Variants in EXTL3 observed in about 807,000 individuals in gnomAD.
The protein encoded by EXTL3 is exostosin-like 3.
In EXTL3, 27 loss-of-function variants were observed where a neutral mutation model predicts 69.3. The ratio of observed to expected loss-of-function variants is 0.39; its 90% confidence interval spans 0.29 to 0.54. EXTL3 has a LOEUF of 0.54. Among genes scored for constraint, EXTL3 ranks in the 20% least tolerant of loss-of-function variants. The pLI, the probability that EXTL3 is intolerant of heterozygous loss-of-function variation, is 0.69. For synonymous variants in EXTL3, 511 were observed against 499.4 expected (o/e 1.02, Z -0.31); for missense variants, 1,003 against 1,231.8 (o/e 0.81, Z 2.78).
chr8:28,743,366 C>A, intron 6 of EXTL3, 152 bp downstream of exon 6: 2 of 965,642 alleles, frequency 2.1e-6, no homozygotes, highest in Non-Finnish European at 3.3e-6. Context: ...TGTCTGTGAG[C>A]TTAAATGAGT....
At position 28,702,033 on chromosome 8, in the gene EXTL3, C is replaced by T. The variant is rs1012093734; in HGVS notation, c.-570+374C>T. Among the ~76,000 whole-genome samples the T allele has an allele frequency of 5.5e-4, 84 of 152,146 alleles. 1 individual carries two copies. Among genetic ancestry groups the T allele is most frequent in the African/African-American group, 1.7e-3 (72 of 41,448 alleles). On this transcript the variant is annotated intron_variant, in intron 1 of 6. Transcript: ENST00000220562. ...GGCTGCAGCTGTTGGGCTTCCTCTGCTCCCTGAAGCCCTCCACCCTCTGTG... is the reference window on the plus strand; with the variant it reads ...GGCTGCAGCTGTTGGGCTTCCTCTGTTCCCTGAAGCCCTCCACCCTCTGTG...
At chr8:28,740,258 T>A (rs893901536) in intron 5 of EXTL3, 1 of 152,252 alleles carries the variant, frequency 6.6e-6, no homozygotes, top group Non-Finnish European at 1.5e-5. Context: ...TACCTGCCTG[T>A]GGCTCCTCGT....
intron 1 of EXTL3, among the ~76,000 whole-genome samples, chr8:28,640,293 A>G (rs1806722290): frequency 1.3e-5 from 2 of 152,178 alleles, no homozygotes; most frequent in African/African-American, 4.8e-5. Flanking sequence ...TAGAATTTAG[A>G]TTGATTCCAT....
intron 1 of EXTL3, among the ~76,000 whole-genome samples, chr8:28,676,141 G>A (rs1807379105): frequency 6.6e-6 from 1 of 152,076 alleles, no homozygotes. Context: ...GACATGTCTT[G>A]GTTTAATGTG....
At chr8:28,672,016 A>G (rs1354827313) in intron 1 of EXTL3, among the ~76,000 whole-genome samples, 2 of 152,184 alleles carry the variant, frequency 1.3e-5, no homozygotes, top group African/African-American at 4.8e-5. Context: ...CTTTCCCAAC[A>G]TTTAACTTTT....
chr8:28,716,158 C>A lies in EXTL3; in HGVS notation c.99C>A (p.Ser33Arg). The change falls in exon 3 of 7, where the codon AGC (serine) becomes AGA (arginine). Residue 33 changes from serine to arginine, a missense_variant. Physicochemically the swap from Ser to Arg is moderately radical, Grantham distance 110 (BLOSUM62 -1). Transcript: ENST00000220562. The surrounding 1 kb of genome is among the most constrained non-coding windows in gnomAD (Gnocchi z 7.1). Reference sequence around the variant, plus strand: ...ACCGCATCCGCCTCACGTGGCTCAGCTTCACGCTCTTTGTCATCCTGGTCT... The same window carrying A: ...ACCGCATCCGCCTCACGTGGCTCAGATTCACGCTCTTTGTCATCCTGGTCT... Reference protein sequence around the residue: ...WSNRIRLTWLSFTLFVILVFF... With the variant: ...WSNRIRLTWLRFTLFVILVFF... The A allele has an allele frequency of 6.2e-7, 1 of 1,614,158 alleles. No homozygotes were observed.
intron 2 of EXTL3, among the ~76,000 whole-genome samples, chr8:28,609,999 T>G (rs1806250943): frequency 1.3e-5 from 2 of 150,600 alleles, no homozygotes; most frequent in Admixed American, 6.6e-5. Flanking sequence ...CGGTCAGGAG[T>G]TCGAGACCAG....
At chr8:28,677,177 G>A (rs573958505) in intron 1 of EXTL3, among the ~76,000 whole-genome samples, 1 of 152,264 alleles carries the variant, frequency 6.6e-6, no homozygotes, top group South Asian at 2.1e-4. Flanking sequence ...AGAGGAAAAA[G>A]AAAATGAAAG....
chr8:28,744,705 A>G (rs1801848757), intron 6 of EXTL3, among the ~76,000 whole-genome samples: 1 of 151,858 alleles, frequency 6.6e-6, no homozygotes, highest in Non-Finnish European at 1.5e-5. Context: ...AAGGCAGGAG[A>G]ATCACTTGAA....
intron 1 of EXTL3, among the ~76,000 whole-genome samples, chr8:28,703,431 C>G (rs998142049): frequency 6.6e-6 from 1 of 151,944 alleles, no homozygotes; most frequent in Non-Finnish European, 1.5e-5. Context: ...CGGGCCAGGC[C>G]GAGCATGGGA....
chr8:28,665,759 A>G (rs559154790), intron 1 of EXTL3, among the ~76,000 whole-genome samples: 58 of 152,050 alleles, frequency 3.8e-4, no homozygotes, highest in African/African-American at 1.3e-3. Flanking sequence ...TTTTTTTCTT[A>G]TGCCCTGTAA....
chr8:28,694,003 G>A (rs929423674), intron 1 of EXTL3, among the ~76,000 whole-genome samples: 5 of 152,186 alleles, frequency 3.3e-5, no homozygotes, highest in African/African-American at 9.7e-5. Context: ...TTTGAAGATT[G>A]CTGGGGGTCA....
chr8:28,608,930 C>G (rs1004719030), intron 2 of EXTL3, among the ~76,000 whole-genome samples: 1 of 152,032 alleles, frequency 6.6e-6, no homozygotes, highest in East Asian at 1.9e-4. Context: ...AGAAAATTAT[C>G]AAACAGCAAT....
Position 28,742,734 on chromosome 8 carries a change from T to TC in EXTL3, c.2422-352_2422-351insC. On this transcript the variant is annotated intron_variant, in intron 5 of 6. Transcript: ENST00000220562. ...CAGGCTTTTTTCTCTCACTTATCTT[T>TC]TTTTTTTTTTTTGGCCATTGTTAGA... The TC allele has an allele frequency of 1.8e-5, 5 of 279,006 alleles. No individual in the cohort carries two copies. In the South Asian group the frequency reaches 1.8e-4, roughly 10 times the overall value. The allele number at this position is 279,006 out of a possible 1,614,324, so 17.3% of individuals were successfully genotyped here. A position where few individuals can be genotyped will look rare whatever the true frequency, so the allele number is the denominator to read the frequency against.
At chr8:28,656,930 T>C (rs1807021374) in intron 1 of EXTL3, among the ~76,000 whole-genome samples, 2 of 149,752 alleles carry the variant, frequency 1.3e-5, no homozygotes, top group Non-Finnish European at 3.0e-5. Context: ...CTCTCTCTCT[T>C]ACTTTTTTTT....
intron 1 of EXTL3, among the ~76,000 whole-genome samples, chr8:28,638,858 T>C: frequency 6.6e-6 from 1 of 152,110 alleles, no homozygotes; most frequent in East Asian, 1.9e-4. Context: ...CTTGAACTCC[T>C]GACGTCAGGT....
chr8:28,723,640 G>GTT (rs34831917), intron 3 of EXTL3, among the ~76,000 whole-genome samples: 23,122 of 120,758 alleles, frequency 0.19, 2,520 homozygotes, highest in East Asian at 0.31. Flanking sequence ...GCTCAGGACT[G>GTT]TTTTTTTTTT....
intron 1 of EXTL3, among the ~76,000 whole-genome samples, chr8:28,644,467 G>T (rs1310121962): frequency 6.6e-6 from 1 of 152,118 alleles, no homozygotes; most frequent in East Asian, 1.9e-4. Flanking sequence ...GGGAGGCCAA[G>T]ACAAGAGGAT....
At chr8:28,611,240 CA>C (rs1806267720) in intron 2 of EXTL3, among the ~76,000 whole-genome samples, 1 of 152,134 alleles carries the variant, frequency 6.6e-6, no homozygotes, top group Admixed American at 6.5e-5. Flanking sequence ...CAGTTAAGCC[CA>C]GGAGTTGAGG....
Sources: gnomAD v4.1 joint callset for allele counts (sites outside exome capture counted in the v4.1 genomes callset) on GRCh38, gnomAD v4.1.1 for gene constraint, Gnocchi (gnomAD v3.1) non-coding constraint, MANE v1.5 for transcripts, NCBI Gene and HGNC (gene_info 2026-07-23, HGNC 2026-07-21) for gene names.